Variants in ZNF721 observed in about 807,000 individuals in gnomAD.
ZNF721 encodes zinc finger protein 721.
ZNF721 carries 2 observed loss-of-function variants against 2.4 expected under a neutral mutation model. The ratio of observed to expected loss-of-function variants is 0.82; its 90% CI spans 0.34 to 2.58. The LOEUF is 2.58. Among genes scored for constraint, ZNF721 ranks in the 30% most tolerant of loss-of-function variants. ZNF721 has a pLI of 0.11. For synonymous variants in ZNF721, 398 were observed against 381.8 expected (o/e 1.04, Z -0.50); for missense variants, 1,187 against 1,085.5 (o/e 1.09, Z -1.31).
At chr4:498,726 CTTT>C (rs1180549953) in intron 1 of ZNF721, among the ~76,000 whole-genome samples, 22 of 132,516 alleles carry the variant, frequency 1.7e-4, no homozygotes, top group African/African-American at 3.1e-4. Flanking sequence ...GTTGAATTTT[CTTT>C]TTTTTTTTTT....
In ZNF721 at chr4:443,305, G is replaced by C. The variant is rs1194486253; in HGVS notation, c.1162C>G (p.Pro388Ala). The C allele has an allele frequency of 1.9e-6, 3 of 1,613,936 alleles. No individual in the cohort carries two copies. Among genetic ancestry groups the C allele is most frequent in the Non-Finnish European group, 2.5e-6 (3 of 1,179,998 alleles). The change falls in exon 3 of 3, where the codon CCT becomes GCT. Residue 388 changes from proline (P) to alanine (A), a missense_variant. Transcript: ENST00000511833. ...TTGCCACACTCTTCACATTTGTAAG[G>C]TTTCTCTCCAGTATGAATTTTCTTG... is the stretch of plus-strand genomic sequence containing the variant. ...QHKKIHTGEK[P>A]YKCEECGKAF...
intron 2 of ZNF721, among the ~76,000 whole-genome samples, chr4:449,384 C>G (rs1553864589): frequency 6.6e-6 from 1 of 151,804 alleles, no homozygotes; most frequent in Non-Finnish European, 1.5e-5. Flanking sequence ...GGAAAATTAT[C>G]TACAAGATAA....
chr4:472,784 G>A, intron 1 of ZNF721, 83 bp from the exon 2 acceptor site: 1 of 1,554,732 alleles, frequency 6.4e-7, no homozygotes, highest in African/African-American at 1.4e-5. Context: ...TCTGACATGT[G>A]ACTGACTGGG....
intron 2 of ZNF721, among the ~76,000 whole-genome samples, chr4:450,957 ATATATAT>A (rs1263596054): frequency 0.016 from 531 of 33,558 alleles, 11 homozygotes; most frequent in African/African-American, 0.059. Flanking sequence ...AAAAAAAAAA[ATATATAT>A]ATATATATAT....
At chr4:478,029 C>G (rs937475920) in intron 1 of ZNF721, among the ~76,000 whole-genome samples, 2 of 152,084 alleles carry the variant, frequency 1.3e-5, no homozygotes, top group East Asian at 1.9e-4. Context: ...CACTTAAGAC[C>G]GATGTGGAAA....
chr4:478,561 T>C (rs1553868939), intron 1 of ZNF721, among the ~76,000 whole-genome samples: 1 of 152,168 alleles, frequency 6.6e-6, no homozygotes, highest in African/African-American at 2.4e-5. Flanking sequence ...TGTGACATAA[T>C]TTCCTTTTAT....
rs9328746 is a variant in ZNF721, at chr4:440,673, A to T, written c.*1022T>A. ...ATTCTCTGGTGTTTCTTTTCTTTTT[A>T]TCTTGTTTTGAGACAGAGTTTCACT... On this transcript the variant is annotated 3_prime_UTR_variant, in exon 3 of 3. Transcript: ENST00000511833. The T allele has an allele frequency of 0.48, 72,391 of 152,012 alleles. 19,431 individuals are homozygous for T. Among genetic ancestry groups the T allele is most frequent in the African/African-American group, 0.75 (31,053 of 41,492 alleles). 9.4% of individuals were successfully genotyped at this position (152,012 alleles called of 1,614,324 possible).
chr4:475,363 C>G (rs898022919), intron 1 of ZNF721, among the ~76,000 whole-genome samples: 2 of 152,066 alleles, frequency 1.3e-5, no homozygotes, highest in African/African-American at 4.8e-5. Flanking sequence ...AACCATCACC[C>G]TCTACAGGGA....
intron 1 of ZNF721, among the ~76,000 whole-genome samples, chr4:491,131 A>G (rs77538478): frequency 6.6e-6 from 1 of 152,180 alleles, no homozygotes; most frequent in Non-Finnish European, 1.5e-5. Context: ...GGGGCTTTAC[A>G]AAAACTGATT....
chr4:476,837 CT>C (rs552122357), intron 1 of ZNF721, among the ~76,000 whole-genome samples: 1 of 152,124 alleles, frequency 6.6e-6, no homozygotes, highest in Non-Finnish European at 1.5e-5. Context: ...AGGAATTTGC[CT>C]TATTTTAGGA....
At chr4:498,217 A>G (rs1553873070) in intron 1 of ZNF721, among the ~76,000 whole-genome samples, 1 of 54,132 alleles carries the variant, frequency 1.8e-5, no homozygotes, top group African/African-American at 1.2e-4. Flanking sequence ...AAGAAAAAGA[A>G]AAAAAAAAAA....
chr4:471,613 A>C (rs1039529353), intron 2 of ZNF721, among the ~76,000 whole-genome samples: 22 of 150,518 alleles, frequency 1.5e-4, no homozygotes, highest in African/African-American at 5.3e-4. Context: ...TAAGTTGAAT[A>C]AGGAGAAACC....
At position 442,648 on chromosome 4, in the gene ZNF721, G is replaced by C. The variant is rs879948545; in HGVS notation, c.1819C>G (p.His607Asp). The C allele has an allele frequency of 6.2e-7, 1 of 1,613,680 alleles. No individual in the cohort carries two copies. Among genetic ancestry groups the C allele is most frequent in the Non-Finnish European group, 8.5e-7 (1 of 1,179,894 alleles). ...YTDLNQHKKI[H>D]TGEKLYKCEE... Reference sequence around the variant, plus strand: ...CATTTGTAAAGTTTCTCTCCAGTATGAATTTTCTTGTGTTGATTCAGGTCT... The same window carrying C: ...CATTTGTAAAGTTTCTCTCCAGTATCAATTTTCTTGTGTTGATTCAGGTCT... Residue 607 changes from histidine to aspartate, a missense_variant, in exon 3 of 3, where the codon CAT becomes GAT. Physicochemically the swap from His to Asp is moderately conservative, Grantham distance 81 (BLOSUM62 -1). Transcript: ENST00000511833.
rs782370133 is a variant in ZNF721 at position 442,378 on chromosome 4, A to C, written c.2089T>G (p.Tyr697Asp). ...GCTTTGCCACACTCTTCACATTTGT[A>C]AGGTTTTTCTCCAGTATGAATTTTC... ...HKKIHTGEKPYKCEECGKAFS... is the reference protein window; with the variant it reads ...HKKIHTGEKPDKCEECGKAFS... Residue 697 changes from tyrosine to aspartate, a missense_variant, in exon 3 of 3, where the codon TAC becomes GAC. Transcript: ENST00000511833. 5 of 1,613,962 alleles carry C rather than the reference A, an allele frequency of 3.1e-6. No homozygotes were observed. In the South Asian group the frequency reaches 3.3e-5, roughly 11 times the overall value.
intron 2 of ZNF721, among the ~76,000 whole-genome samples, chr4:449,675 T>C (rs1553864615): frequency 1.3e-5 from 2 of 152,140 alleles, no homozygotes; most frequent in Non-Finnish European, 2.9e-5. Context: ...AAAATATACA[T>C]ATGACAAAAG....
rs1553863701 is a variant in ZNF721 at position 443,635 on chromosome 4, T to C, written c.832A>G (p.Lys278Glu). 8 of 1,613,860 alleles carry C rather than the reference T, an allele frequency of 5.0e-6. No individual in the cohort carries two copies. The highest frequency in any genetic ancestry group is 2.2e-5 in the East Asian group (1 of 44,846). The stretch of plus-strand genomic sequence containing the variant: ...AAGGCTTTACCACATTCTAAACATT[T>C]AAAGGGTTTCTCGCCAGTATGAATC... Reference protein sequence around the residue: ...KRIHTGEKPFKCLECGKAFNI... With the variant: ...KRIHTGEKPFECLECGKAFNI... The change falls in exon 3 of 3, where the codon AAA (lysine) becomes GAA (glutamate). Residue 278 changes from lysine to glutamate, a missense_variant. Physicochemically the swap from Lys to Glu is moderately conservative, Grantham distance 56. Coordinates refer to ENST00000511833, the MANE Select transcript of ZNF721 (RefSeq NM_133474.4).
At chr4:477,521 A>G (rs1487569437) in intron 1 of ZNF721, among the ~76,000 whole-genome samples, 1 of 152,090 alleles carries the variant, frequency 6.6e-6, no homozygotes, top group Non-Finnish European at 1.5e-5. Flanking sequence ...TACAGGCATG[A>G]GCCACCGTGC....
intron 2 of ZNF721, among the ~76,000 whole-genome samples, chr4:463,311 G>A (rs1259300158): frequency 6.6e-6 from 1 of 152,196 alleles, no homozygotes; most frequent in Non-Finnish European, 1.5e-5. Context: ...GTTGGTGGGA[G>A]TGTAAGTTAG....
At chr4:454,442 A>G (rs1714779625) in intron 2 of ZNF721, among the ~76,000 whole-genome samples, 1 of 152,218 alleles carries the variant, frequency 6.6e-6, no homozygotes, top group African/African-American at 2.4e-5. Flanking sequence ...GTTGTGTTGC[A>G]AAACTGAATG....
Sources: allele counts gnomAD v4.1 joint callset (sites outside exome capture counted in the v4.1 genomes callset), GRCh38; gene constraint gnomAD v4.1.1; transcripts MANE v1.5; gene names NCBI Gene and HGNC (gene_info 2026-07-23, HGNC 2026-07-21).